The following FRAS1 variants were observed in gnomAD, a reference collection of about 807,000 sequenced individuals.
FRAS1 encodes the protein extracellular matrix organizing protein FRAS1.
A neutral mutation model predicts 435.2 loss-of-function variants in FRAS1; 290 were observed. The ratio of observed to expected loss-of-function variants is 0.67; its 90% CI spans 0.61 to 0.73. FRAS1 has a LOEUF of 0.73. Ranked by LOEUF, FRAS1 falls within the 30% of genes least tolerant of loss-of-function variation. The pLI is 0.00. For missense variants in FRAS1, 4,860 were observed against 5,001.5 expected, an observed-to-expected ratio of 0.97 and a Z score of 0.85; for synonymous variants, 1,800 against 1,851.0, an observed-to-expected ratio of 0.97 and a Z score of 0.71.
intron 60 of FRAS1, among the ~76,000 whole-genome samples, chr4:78,498,524 A>AG (rs1560413661): frequency 6.6e-6 from 1 of 151,650 alleles, no homozygotes; most frequent in Non-Finnish European, 1.5e-5. Flanking sequence ...AAAAAAAAAA[A>AG]AGATTTATGC....
intron 38 of FRAS1, among the ~76,000 whole-genome samples, chr4:78,435,170 G>T (rs1734366979): frequency 6.6e-6 from 1 of 152,122 alleles, no homozygotes; most frequent in Admixed American, 6.5e-5. Flanking sequence ...TGGGAGGATT[G>T]CTTGAGCCCA....
intron 29 of FRAS1, among the ~76,000 whole-genome samples, chr4:78,388,701 A>G (rs954360223): frequency 3.3e-5 from 5 of 151,416 alleles, no homozygotes; most frequent in African/African-American, 1.2e-4. Context: ...TCCACTACTC[A>G]GAAGGCTGAG....
intron 47 of FRAS1, among the ~76,000 whole-genome samples, chr4:78,461,543 C>T (rs1045124748): frequency 6.6e-6 from 1 of 152,140 alleles, no homozygotes; most frequent in Non-Finnish European, 1.5e-5. Flanking sequence ...CATAAATAAG[C>T]AGTCTTTAAA....
chr4:78,307,721 T>G (rs1158004765), intron 14 of FRAS1, among the ~76,000 whole-genome samples: 3 of 152,242 alleles, frequency 2.0e-5, no homozygotes, highest in African/African-American at 7.2e-5. Context: ...GGCTGGCGCA[T>G]GGTGCATGCA....
intron 21 of FRAS1, 54 bp downstream of exon 21, chr4:78,363,719 G>T (rs1474116039): frequency 2.6e-6 from 4 of 1,535,736 alleles, no homozygotes; most frequent in African/African-American, 2.7e-5. Flanking sequence ...TTCTCTTGGG[G>T]CAGTAGCTGG....
At chr4:78,309,176 A>G (rs1224527749) in intron 15 of FRAS1, among the ~76,000 whole-genome samples, 10 of 152,232 alleles carry the variant, frequency 6.6e-5, no homozygotes, top group Non-Finnish European at 8.8e-5. Flanking sequence ...GGAAAAGGCA[A>G]GGAAACAGAT....
chr4:78,311,645 G>A (rs568354966), intron 15 of FRAS1, among the ~76,000 whole-genome samples: 6 of 152,318 alleles, frequency 3.9e-5, no homozygotes, highest in South Asian at 2.1e-4. Flanking sequence ...AAGTAGTGCC[G>A]GGTTACTTGC....
At chr4:78,324,313 T>C (rs1729632487) in intron 18 of FRAS1, among the ~76,000 whole-genome samples, 1 of 152,238 alleles carries the variant, frequency 6.6e-6, no homozygotes, top group Admixed American at 6.5e-5. Flanking sequence ...TTGCATAAGA[T>C]ATTCTAAAAT....
chr4:78,517,440 A>C (rs1721244384), intron 66 of FRAS1, among the ~76,000 whole-genome samples: 1 of 152,220 alleles, frequency 6.6e-6, no homozygotes, highest in Non-Finnish European at 1.5e-5. Flanking sequence ...ATGCTTAAAA[A>C]CTCAAAGACA....
chr4:78,417,437 C>T (rs78051393), intron 32 of FRAS1, among the ~76,000 whole-genome samples: 3,023 of 152,234 alleles, frequency 0.02, 102 homozygotes, highest in African/African-American at 0.068. Context: ...GTTAGTTGTA[C>T]CCACATGTGT....
In FRAS1 at chr4:78,246,449, A is replaced by G. The variant is rs1227308089; in HGVS notation, c.309+1124A>G. ...GGAAGCCACTCTTTCACTTCTGCACAATGTGTTGCTGAAAGACATCCAAGC... is the reference window on the plus strand; with the variant it reads ...GGAAGCCACTCTTTCACTTCTGCACGATGTGTTGCTGAAAGACATCCAAGC... On this transcript the variant is annotated intron_variant, in intron 4 of 73. Transcript: ENST00000512123. Among the ~76,000 whole-genome samples, 3 of 151,882 alleles carry G rather than the reference A, an allele frequency of 2.0e-5. No homozygotes were observed. The East Asian group carries it at 5.8e-4, about 29-fold the overall frequency.
At position 78,414,285 on chromosome 4, in the gene FRAS1, A is replaced by C. The variant is rs1405646863; in HGVS notation, c.4425+1200A>C. Among the ~76,000 whole-genome samples the C allele has an allele frequency of 3.3e-5, 5 of 152,208 alleles. No homozygotes were observed. In the East Asian group the frequency reaches 9.6e-4, roughly 29 times the overall value. On this transcript the variant is annotated intron_variant, in intron 32 of 73. Transcript: ENST00000512123. The stretch of plus-strand genomic sequence containing the variant: ...GCACACACAGGTCTTGCCAAATGCT[A>C]ATGCAGTGTTATTTTGAGTTTGGAG...
chr4:78,392,857 A>C (rs1381076063), intron 29 of FRAS1, among the ~76,000 whole-genome samples: 1 of 152,016 alleles, frequency 6.6e-6, no homozygotes, highest in Non-Finnish European at 1.5e-5. Context: ...AATTAGGTTA[A>C]AATTAGGCTT....
chr4:78,452,068 C>A, intron 46 of FRAS1, 107 bp from the exon 47 acceptor site: 2 of 1,324,770 alleles, frequency 1.5e-6, no homozygotes, highest in Non-Finnish European at 2.1e-6. Flanking sequence ...CTCTCTAACA[C>A]ACAGGCCTAG....
chr4:78,176,482 C>G (rs1721782872), intron 2 of FRAS1, among the ~76,000 whole-genome samples: 1 of 152,124 alleles, frequency 6.6e-6, no homozygotes, highest in South Asian at 2.1e-4. Flanking sequence ...CTGATTTTTC[C>G]CTGAAGAGCT....
chr4:78,085,733 A>T (rs1741120638), intron 2 of FRAS1, among the ~76,000 whole-genome samples: 1 of 152,176 alleles, frequency 6.6e-6, no homozygotes, highest in Non-Finnish European at 1.5e-5. Flanking sequence ...AACTATCCTA[A>T]ATATATATGC....
intron 2 of FRAS1, among the ~76,000 whole-genome samples, chr4:78,120,508 T>TG (rs1718948763): frequency 1.3e-5 from 2 of 152,188 alleles, no homozygotes; most frequent in Admixed American, 1.3e-4. Flanking sequence ...TAAGAAGTTG[T>TG]AAGGAGGAGA....
At chr4:78,301,379 A>T (rs1196271009) in intron 14 of FRAS1, among the ~76,000 whole-genome samples, 1 of 81,632 alleles carries the variant, frequency 1.2e-5, no homozygotes, top group Non-Finnish European at 3.3e-5. Context: ...TGAAGAGTAA[A>T]AAAAAAAAAA....
At chr4:78,125,127 A>C (rs1046558969) in intron 2 of FRAS1, among the ~76,000 whole-genome samples, 1 of 152,100 alleles carries the variant, frequency 6.6e-6, no homozygotes, top group Non-Finnish European at 1.5e-5. Context: ...TGGGCATTTA[A>C]TGCTATAAAT....
Sources: gnomAD v4.1 joint callset for allele counts (sites outside exome capture counted in the v4.1 genomes callset) on GRCh38, gnomAD v4.1.1 for gene constraint, MANE v1.5 for transcripts, NCBI Gene and HGNC (gene_info 2026-07-23, HGNC 2026-07-21) for gene names.